The following AKT2 variants were observed in gnomAD, a reference collection of about 807,000 sequenced individuals.
The protein encoded by AKT2 is AKT serine/threonine kinase 2.
AKT2 carries 16 observed loss-of-function variants against 58.6 expected under a neutral mutation model. The observed-to-expected ratio is 0.27, with a 90% CI of 0.18 to 0.41. The LOEUF is 0.41. Among genes scored for constraint, AKT2 ranks in the 10% least tolerant of loss-of-function variants. AKT2 has a pLI of 1.00. For missense variants in AKT2, 438 were observed against 661.0 expected, an observed-to-expected ratio of 0.66 and a Z score of 3.70; for synonymous variants, 253 against 254.0, an observed-to-expected ratio of 1.00 and a Z score of 0.04.
Position 40,234,671 on chromosome 19 carries a change from G to A in AKT2, c.1366+374C>T. 4 of 564,530 alleles carry A rather than the reference G, an allele frequency of 7.1e-6. No individual in the cohort carries two copies. 35.0% of individuals were successfully genotyped at this position (564,530 alleles called of 1,614,324 possible). A position where few individuals can be genotyped will look rare whatever the true frequency, so the allele number is the denominator to read the frequency against. ...AGGCCGCCCACCCTACCTGGGCTGGGAGCTTTCCAGGGCAGGGCCCAGGGC... is the reference window on the plus strand; with the variant it reads ...AGGCCGCCCACCCTACCTGGGCTGGAAGCTTTCCAGGGCAGGGCCCAGGGC... On this transcript the variant is annotated intron_variant, in intron 13 of 13. Transcript: ENST00000392038. The surrounding 1 kb of genome is among the most constrained non-coding windows in gnomAD (Gnocchi z 4.7).
At chr19:40,273,518 A>G (rs994194010) in intron 1 of AKT2, 3 of 151,702 alleles carry the variant, frequency 2.0e-5, no homozygotes, top group Non-Finnish European at 4.4e-5. Flanking sequence ...CTTCAAAAAA[A>G]AAAAAGAGAG....
chr19:40,271,197 GTACA>G (rs546879870), intron 1 of AKT2, among the ~76,000 whole-genome samples: 1 of 133,568 alleles, frequency 7.5e-6, no homozygotes, highest in East Asian at 2.1e-4. Flanking sequence ...AAAAACATAC[GTACA>G]TACATACATA....
At chr19:40,263,957 C>T (rs1600081970) in intron 2 of AKT2, among the ~76,000 whole-genome samples, 1 of 152,200 alleles carries the variant, frequency 6.6e-6, no homozygotes, top group South Asian at 2.1e-4. Flanking sequence ...TGCCTCATGC[C>T]CTCCCATCCT....
chr19:40,242,703 C>G lies in AKT2; in HGVS notation c.288-16G>C, dbSNP rs767716338. Reference sequence around the variant, plus strand: ...CCACTCCTCCCTGTGCAGGGACACACGTGAGTCCCAGCAGCCAGGAGTCCT... The same window carrying G: ...CCACTCCTCCCTGTGCAGGGACACAGGTGAGTCCCAGCAGCCAGGAGTCCT... On this transcript the variant is annotated splice_polypyrimidine_tract_variant and intron_variant, in intron 4 of 13. Transcript: ENST00000392038. The surrounding 1 kb of genome is among the most constrained non-coding windows in gnomAD (Gnocchi z 4.3). 1.2e-6 allele frequency: 2 copies of G among 1,608,894 alleles called. No individual in the cohort carries two copies. Among genetic ancestry groups the G allele is most frequent in the Non-Finnish European group, 1.7e-6 (2 of 1,179,902 alleles).
rs776888006 is a variant in AKT2, at chr19:40,233,842, G to T, written c.*30C>A. The T allele has an allele frequency of 7.5e-6, 12 of 1,605,366 alleles. No homozygotes were observed. In the East Asian group the frequency reaches 2.5e-4, roughly 33 times the overall value. The stretch of plus-strand genomic sequence containing the variant: ...AAAACCACCCAGCGGTGATGGCAGC[G>T]AGCGTGCGTCCTCTGCGTGGGCAGA... On this transcript the variant is annotated 3_prime_UTR_variant, in exon 14 of 14. Transcript: ENST00000392038. This position sits in a 1 kb window ranked among gnomAD's most constrained non-coding sequence, Gnocchi z 4.3.
chr19:40,267,475 TCTTC>T (rs1976441448), intron 1 of AKT2, among the ~76,000 whole-genome samples: 1 of 152,172 alleles, frequency 6.6e-6, no homozygotes, highest in African/African-American at 2.4e-5. Context: ...TTCTTCTCTC[TCTTC>T]CTTGAGGTCT....
intron 1 of AKT2, among the ~76,000 whole-genome samples, chr19:40,283,486 T>C (rs576531856): frequency 3.3e-4 from 51 of 152,274 alleles, no homozygotes; most frequent in African/African-American, 1.2e-3. Context: ...CGGAAGCCAG[T>C]CAGCTTGGAA....
chr19:40,279,763 G>GA (rs2077391346), intron 1 of AKT2: 1 of 152,226 alleles, frequency 6.6e-6, no homozygotes, highest in Non-Finnish European at 1.5e-5. Flanking sequence ...TGTGGTGGGG[G>GA]AATCTCTGGA....
intron 1 of AKT2, among the ~76,000 whole-genome samples, chr19:40,273,973 C>T (rs1450205572): frequency 6.6e-6 from 1 of 152,190 alleles, no homozygotes; most frequent in Admixed American, 6.5e-5. Context: ...CTCCAACACA[C>T]AATCTCCCCT....
At chr19:40,282,598 G>A (rs776604615) in intron 1 of AKT2, 7 of 523,716 alleles carry the variant, frequency 1.3e-5, no homozygotes, top group Non-Finnish European at 2.3e-5. Context: ...AGAGGACAGA[G>A]GACAGAGGTG....
At chr19:40,277,022 C>CA (rs923487068) in intron 1 of AKT2, among the ~76,000 whole-genome samples, 17 of 151,858 alleles carry the variant, frequency 1.1e-4, no homozygotes, top group African/African-American at 4.1e-4. Flanking sequence ...GACCCTGTCT[C>CA]AAAAAAATAA....
chr19:40,262,893 C>G (rs1007269751), intron 2 of AKT2, among the ~76,000 whole-genome samples: 1 of 152,242 alleles, frequency 6.6e-6, no homozygotes, highest in Non-Finnish European at 1.5e-5. Flanking sequence ...GGTCCCAAAA[C>G]AGCAGTAGTC....
intron 1 of AKT2, chr19:40,279,757 G>A (rs753609235): frequency 6.6e-6 from 1 of 152,216 alleles, no homozygotes. Flanking sequence ...CTGAGCTGTG[G>A]TGGGGGAATC....
chr19:40,264,769 C>G (rs1331226363), intron 2 of AKT2, among the ~76,000 whole-genome samples: 3 of 151,996 alleles, frequency 2.0e-5, no homozygotes, highest in African/African-American at 7.3e-5. Flanking sequence ...TTCACCCCAG[C>G]ACTTGCCACC....
rs200586360 is a variant in AKT2, at chr19:40,233,859, G to C, written c.*13C>G. On this transcript the variant is annotated 3_prime_UTR_variant, in exon 14 of 14. Transcript: ENST00000392038. The surrounding 1 kb of genome is among the most constrained non-coding windows in gnomAD (Gnocchi z 4.3). The stretch of plus-strand genomic sequence containing the variant: ...ATGGCAGCGAGCGTGCGTCCTCTGC[G>C]TGGGCAGACTGCTCACTCGCGGATG... 1 of 1,609,780 alleles carries C rather than the reference G, an allele frequency of 6.2e-7. No individual in the cohort carries two copies. The highest frequency in any genetic ancestry group is 8.5e-7 in the Non-Finnish European group (1 of 1,179,698).
chr19:40,260,260 A>T (rs923198687), intron 2 of AKT2, among the ~76,000 whole-genome samples: 1 of 152,224 alleles, frequency 6.6e-6, no homozygotes, highest in African/African-American at 2.4e-5. Flanking sequence ...TGGCAAGGAT[A>T]TAAACTGACA....
chr19:40,271,401 T>C (rs2077213409), intron 1 of AKT2, among the ~76,000 whole-genome samples: 1 of 133,524 alleles, frequency 7.5e-6, no homozygotes, highest in South Asian at 2.3e-4. Flanking sequence ...CACTCCAGCC[T>C]GGGTGACAAA....
At chr19:40,272,806 G>A (rs11667443) in intron 1 of AKT2, among the ~76,000 whole-genome samples, 17,389 of 152,210 alleles carry the variant, frequency 0.11, 1,455 homozygotes, top group African/African-American at 0.23. Context: ...GAGTGGGTGC[G>A]GGAGGCAAGG....
At chr19:40,279,629 G>A (rs1181407963) in intron 1 of AKT2, 1 of 144,596 alleles carries the variant, frequency 6.9e-6, no homozygotes, top group Non-Finnish European at 1.5e-5. Flanking sequence ...GCTCCTTCTA[G>A]GAAGATACCC....
Sources: gnomAD v4.1 joint callset for allele counts (sites outside exome capture counted in the v4.1 genomes callset) on GRCh38, gnomAD v4.1.1 for gene constraint, Gnocchi (gnomAD v3.1) non-coding constraint, MANE v1.5 for transcripts, NCBI Gene and HGNC (gene_info 2026-07-23, HGNC 2026-07-21) for gene names.